Variants in MICOS10 observed in about 807,000 individuals in gnomAD.
The protein encoded by MICOS10 is mitochondrial contact site and cristae organizing system subunit 10, also known as MICOS complex subunit MIC10.
MICOS10 carries 5 observed loss-of-function variants against 13.4 expected under a neutral mutation model. That is an observed-to-expected ratio of 0.37 (90% CI 0.20 to 0.78). The LOEUF (loss-of-function observed/expected upper bound fraction) is 0.78, where lower values mean the gene tolerates loss of function less well. MICOS10 is among the 30% of genes least tolerant of loss of function. MICOS10 has a pLI of 0.47. For missense variants in MICOS10, 101 were observed against 94.6 expected, an observed-to-expected ratio of 1.07 and a Z score of -0.28; for synonymous variants, 35 against 33.6, an observed-to-expected ratio of 1.04 and a Z score of -0.15.
intron 1 of MICOS10, among the ~76,000 whole-genome samples, chr1:19,611,987 A>AT (rs1179952572): frequency 2.4e-4 from 36 of 147,846 alleles, no homozygotes; most frequent in Admixed American, 1.1e-3. Flanking sequence ...AAAAAAAAAG[A>AT]TTTTTTTTTC....
At chr1:19,603,154 AC>A (rs2094822128) in intron 1 of MICOS10, among the ~76,000 whole-genome samples, 1 of 151,968 alleles carries the variant, frequency 6.6e-6, no homozygotes, top group Non-Finnish European at 1.5e-5. Context: ...ACATGGCGAA[AC>A]CCCATCTCTA....
chr1:19,599,545 A>G (rs1266189601), intron 1 of MICOS10, among the ~76,000 whole-genome samples: 1 of 152,180 alleles, frequency 6.6e-6, no homozygotes, highest in Non-Finnish European at 1.5e-5. Flanking sequence ...CTTTTGCTGT[A>G]GGGTTGTATA....
At chr1:19,597,137 C>G (rs751901934) in intron 1 of MICOS10, 28 bp downstream of exon 1, 2 of 1,595,696 alleles carry the variant, frequency 1.3e-6, no homozygotes, top group South Asian at 1.1e-5. Flanking sequence ...CCAGCAGGCC[C>G]GGCCGGTGCA....
chr1:19,617,628 T>G (rs2094889027), intron 1 of MICOS10, among the ~76,000 whole-genome samples: 2 of 152,220 alleles, frequency 1.3e-5, no homozygotes, highest in South Asian at 4.1e-4. Context: ...CTTGGAAATG[T>G]AATTCTCACT....
rs549832831 is a variant in MICOS10 at position 19,620,485 on chromosome 1, G to A, written c.65-1615G>A. Among the ~76,000 whole-genome samples the A allele has an allele frequency of 2.6e-5, 4 of 152,248 alleles. No individual in the cohort carries two copies. The South Asian group carries it at 8.3e-4, about 32-fold the overall frequency. On this transcript the variant is annotated intron_variant, in intron 1 of 3. Coordinates refer to ENST00000322753, the MANE Select transcript of MICOS10 (RefSeq NM_001032363.4). ...AATTATTTTTTTTCCAAAGAGAATA[G>A]CCTTATTACTTTTTGTCTTAAAAAT... is the stretch of plus-strand genomic sequence containing the variant.
chr1:19,597,157 G>C, intron 1 of MICOS10, 48 bp downstream of exon 1: 1 of 1,565,114 alleles, frequency 6.4e-7, no homozygotes, highest in Non-Finnish European at 8.7e-7. Flanking sequence ...AGAGCTGCTG[G>C]CTCCAGGCTG....
At chr1:19,625,540 G>A in intron 3 of MICOS10, 1 of 1,289,456 alleles carries the variant, frequency 7.8e-7, no homozygotes, top group African/African-American at 1.5e-5. Context: ...GAAGCCGGCA[G>A]CCGGCCTTTT....
At position 19,629,100 on chromosome 1, in the gene MICOS10, C is replaced by G. The variant is rs1175780569; in HGVS notation, c.*2699C>G. 2 of 152,274 alleles carry G rather than the reference C, an allele frequency of 1.3e-5. No individual in the cohort carries two copies. Among genetic ancestry groups the G allele is most frequent in the Non-Finnish European group, 2.9e-5 (2 of 68,094 alleles). The allele number at this position is 152,274 out of a possible 1,614,324, so 9.4% of individuals were successfully genotyped here. On this transcript the variant is annotated 3_prime_UTR_variant, in exon 4 of 4. Coordinates refer to ENST00000322753, the MANE Select transcript of MICOS10 (RefSeq NM_001032363.4). ...ACTTGATCTTGTCCCCACTCCCTGCCCCCATCTCAGATCAACCTTCAGAAA... is the reference window on the plus strand; with the variant it reads ...ACTTGATCTTGTCCCCACTCCCTGCGCCCATCTCAGATCAACCTTCAGAAA...
Position 19,612,209 on chromosome 1 carries a change from AT to A in MICOS10, c.65-9881del, listed in dbSNP as rs1215123980. Among the ~76,000 whole-genome samples the A allele has an allele frequency of 2.6e-3, 375 of 144,346 alleles. 2 individuals are homozygous for A. The highest frequency in any genetic ancestry group is 8.7e-3 in the African/African-American group (343 of 39,400). The allele number at this position is 144,346 out of a possible 152,430, so 94.7% of individuals were successfully genotyped here. On this transcript the variant is annotated intron_variant, in intron 1 of 3. Coordinates refer to ENST00000322753, the MANE Select transcript of MICOS10 (RefSeq NM_001032363.4). ...AGGCGCCCACCACCATGCCTGGCTA[AT>A]TTTTTTTTTAATTTTTTTTTAATTT... is the stretch of plus-strand genomic sequence containing the variant.
chr1:19,612,298 C>T (rs368991732), intron 1 of MICOS10, among the ~76,000 whole-genome samples: 12 of 151,320 alleles, frequency 7.9e-5, no homozygotes, highest in African/African-American at 2.4e-4. Flanking sequence ...CCTCGTGATC[C>T]GCCTGCCTCA....
chr1:19,625,461 T>A lies in MICOS10; in HGVS notation c.223-926T>A. 1 of 1,289,394 alleles carries A rather than the reference T, an allele frequency of 7.8e-7. No individual in the cohort carries two copies. The highest frequency in any genetic ancestry group is 2.1e-4 in the Middle Eastern group (1 of 4,696). The allele number at this position is 1,289,394 out of a possible 1,614,324, so 79.9% of individuals were successfully genotyped here. A position where few individuals can be genotyped will look rare whatever the true frequency, so the allele number is the denominator to read the frequency against. On this transcript the variant is annotated intron_variant, in intron 3 of 3. Coordinates refer to ENST00000322753, the MANE Select transcript of MICOS10 (RefSeq NM_001032363.4). ...TGGAGAGATGGGAGTAGGGGAGCCA[T>A]CTCTGCACCAAAGCAAGAGTGAGGT...
intron 3 of MICOS10, among the ~76,000 whole-genome samples, chr1:19,624,433 C>T (rs906283076): frequency 1.3e-5 from 2 of 151,774 alleles, no homozygotes; most frequent in East Asian, 1.9e-4. Flanking sequence ...ATTACAGGCA[C>T]GAGCCACTCA....
rs1018204267 is a variant in MICOS10 at position 19,626,837 on chromosome 1, C to T, written c.*436C>T. ...AATCAGAAGTTGAAGATTGCTGCTGCGTGGCCTGATGGAGATGACTGATGT... is the reference window on the plus strand; with the variant it reads ...AATCAGAAGTTGAAGATTGCTGCTGTGTGGCCTGATGGAGATGACTGATGT... On this transcript the variant is annotated 3_prime_UTR_variant, in exon 4 of 4. Transcript: ENST00000322753. 19 of 192,758 alleles carry T rather than the reference C, an allele frequency of 9.9e-5. No homozygotes were observed. The highest frequency in any genetic ancestry group is 5.3e-5 in the Admixed American group (1 of 18,898). The allele number at this position is 192,758 out of a possible 1,614,324, so 11.9% of individuals were successfully genotyped here. A position where few individuals can be genotyped will look rare whatever the true frequency, so the allele number is the denominator to read the frequency against.
At chr1:19,600,711 C>T in intron 1 of MICOS10, 1 of 370,850 alleles carries the variant, frequency 2.7e-6, no homozygotes, top group Non-Finnish European at 5.3e-6. Flanking sequence ...AGGTGATCCT[C>T]CCACCTCAGC....
rs5772856 is a variant in MICOS10, at chr1:19,608,994, C to CTTTTTTTTTTTTTT, written c.64+11901_64+11914dup. ...TTAAGATGTGAGCCACTTTTCCCAG[C>CTTTTTTTTTTTTTT]TTTTTTTTTTTTTTTTTTTTTTTTT... On this transcript the variant is annotated intron_variant, in intron 1 of 3. Transcript: ENST00000322753. 3.3e-5 allele frequency among the ~76,000 whole-genome samples: 2 copies of CTTTTTTTTTTTTTT among 60,592 alleles called. 1 individual carries two copies. Among genetic ancestry groups the CTTTTTTTTTTTTTT allele is most frequent in the African/African-American group, 1.5e-4 (2 of 13,122 alleles). 39.8% of individuals were successfully genotyped at this position (60,592 alleles called of 152,430 possible).
At chr1:19,614,242 T>C (rs558608398) in intron 1 of MICOS10, among the ~76,000 whole-genome samples, 1 of 151,890 alleles carries the variant, frequency 6.6e-6, no homozygotes, top group African/African-American at 2.4e-5. Context: ...ATGCCTGTTA[T>C]AAGTAGCATC....
At chr1:19,621,739 T>C (rs2094904375) in intron 1 of MICOS10, among the ~76,000 whole-genome samples, 2 of 152,208 alleles carry the variant, frequency 1.3e-5, no homozygotes, top group Non-Finnish European at 2.9e-5. Flanking sequence ...CACTATCTCA[T>C]GTTTTGGCTG....
rs1049960538 is a variant in MICOS10 at position 19,601,140 on chromosome 1, C to T, written c.64+4031C>T. ...AGCTTTCTTAAGCCTGTACTTTAGG[C>T]AGTGGTCCTTTAAAAAAGTAATCTT... On this transcript the variant is annotated intron_variant, in intron 1 of 3. Transcript: ENST00000322753. The T allele has an allele frequency of 7.5e-6, 4 of 534,776 alleles. No homozygotes were observed. The African/African-American group carries it at 8.0e-5, about 11-fold the overall frequency. 33.1% of individuals were successfully genotyped at this position (534,776 alleles called of 1,614,324 possible). A position where few individuals can be genotyped will look rare whatever the true frequency, so the allele number is the denominator to read the frequency against.
rs184948748 is a variant in MICOS10, at chr1:19,608,192, G to T, written c.64+11083G>T. On this transcript the variant is annotated intron_variant, in intron 1 of 3. Coordinates refer to ENST00000322753, the MANE Select transcript of MICOS10 (RefSeq NM_001032363.4). Reference sequence around the variant, plus strand: ...ACCTCAGGTGGCTGAAGGGGAGAATGTATTTGGTGTCTGCCATATCTTTGC... The same window carrying T: ...ACCTCAGGTGGCTGAAGGGGAGAATTTATTTGGTGTCTGCCATATCTTTGC... The T allele has an allele frequency of 7.2e-5, 100 of 1,393,402 alleles. No individual in the cohort carries two copies. In the East Asian group the frequency reaches 2.3e-3, roughly 32 times the overall value. The allele number at this position is 1,393,402 out of a possible 1,614,324, so 86.3% of individuals were successfully genotyped here. A position where few individuals can be genotyped will look rare whatever the true frequency, so the allele number is the denominator to read the frequency against.
Sources: allele counts gnomAD v4.1 joint callset (sites outside exome capture counted in the v4.1 genomes callset), GRCh38; gene constraint gnomAD v4.1.1; transcripts MANE v1.5; gene names NCBI Gene and HGNC (gene_info 2026-07-23, HGNC 2026-07-21).